The following ADGRV1 variants were observed in gnomAD, a reference collection of about 807,000 sequenced individuals.
The protein encoded by ADGRV1 is G-protein coupled receptor 98.
ADGRV1 carries 359 observed loss-of-function variants against 596.2 expected under a neutral mutation model. The ratio of observed to expected loss-of-function variants is 0.60; its 90% CI spans 0.55 to 0.66. ADGRV1 has a LOEUF of 0.66. Among genes scored for constraint, ADGRV1 ranks in the 30% least tolerant of loss-of-function variants. The pLI, the probability that ADGRV1 is intolerant of heterozygous loss-of-function variation, is 0.00. For synonymous variants in ADGRV1, 2,681 were observed against 2,679.2 expected, an observed-to-expected ratio of 1.00 and a Z score of -0.02; for missense variants, 7,274 against 7,575.6, an observed-to-expected ratio of 0.96 and a Z score of 1.48.
intron 28 of ADGRV1, among the ~76,000 whole-genome samples, chr5:90,684,465 C>T (rs765320565): frequency 6.6e-5 from 10 of 152,042 alleles, no homozygotes; most frequent in Non-Finnish European, 1.3e-4. Flanking sequence ...AGTCTTGAGG[C>T]TGCCTCTGAT....
At chr5:90,692,511 T>G in intron 31 of ADGRV1, 94 bp from the exon 32 acceptor site, 2 of 900,124 alleles carry the variant, frequency 2.2e-6, no homozygotes, top group South Asian at 1.9e-5. Flanking sequence ...GTTCTTGTAC[T>G]TGTATGTATA....
intron 83 of ADGRV1, among the ~76,000 whole-genome samples, chr5:90,935,148 A>G (rs1775569787): frequency 1.3e-5 from 2 of 152,308 alleles, no homozygotes; most frequent in South Asian, 2.1e-4. Flanking sequence ...GAGAACAGTA[A>G]ATGCTTAATC....
At chr5:90,598,863 C>G (rs936629468) in intron 1 of ADGRV1, among the ~76,000 whole-genome samples, 1 of 152,072 alleles carries the variant, frequency 6.6e-6, no homozygotes, top group Admixed American at 6.5e-5. Context: ...CTAGGGATAC[C>G]AAGGAATTAA....
intron 89 of ADGRV1, among the ~76,000 whole-genome samples, chr5:91,153,947 A>G (rs373802843): frequency 1.3e-5 from 2 of 152,260 alleles, no homozygotes; most frequent in South Asian, 4.1e-4. Flanking sequence ...TCATCAGCAT[A>G]TGATACTAGA....
rs540983704 is a variant in ADGRV1, at chr5:91,124,460, A to T, written c.18432+22120A>T. On this transcript the variant is annotated intron_variant, in intron 87 of 89. Transcript: ENST00000405460. ...TAAATTGTGGCCATCTGATATTGCT[A>T]CATCAAAAGGAAGTTAAAATTTGCT... 1.8e-4 allele frequency among the ~76,000 whole-genome samples: 27 copies of T among 152,338 alleles called. No homozygotes were observed. The East Asian group carries it at 5.2e-3, about 29-fold the overall frequency.
intron 37 of ADGRV1, among the ~76,000 whole-genome samples, chr5:90,705,806 A>G (rs573045057): frequency 5.9e-5 from 9 of 152,354 alleles, no homozygotes; most frequent in African/African-American, 2.2e-4. Flanking sequence ...AGCAGCATAC[A>G]GTAATTTAGG....
intron 75 of ADGRV1, among the ~76,000 whole-genome samples, chr5:90,822,379 C>T (rs1411751054): frequency 3.3e-5 from 5 of 152,162 alleles, no homozygotes; most frequent in African/African-American, 4.8e-5. Flanking sequence ...CCGTCTTCTG[C>T]GTTGCTCACG....
Position 91,089,488 on chromosome 5 carries a change from C to G in ADGRV1, c.18311-12731C>G, listed in dbSNP as rs536034046. Reference sequence around the variant, plus strand: ...AGTTTTGTGTGTGATGGTTAGAGAACCAAATTAAAGAAACAAAGGCAGCTT... The same window carrying G: ...AGTTTTGTGTGTGATGGTTAGAGAAGCAAATTAAAGAAACAAAGGCAGCTT... On this transcript the variant is annotated intron_variant, in intron 86 of 89. Coordinates refer to ENST00000405460, the MANE Select transcript of ADGRV1 (RefSeq NM_032119.4). 9.1e-4 allele frequency among the ~76,000 whole-genome samples: 138 copies of G among 151,990 alleles called. 1 individual carries two copies. The highest frequency in any genetic ancestry group is 3.2e-3 in the African/African-American group (133 of 41,498).
At chr5:91,107,773 C>T (rs1423883786) in intron 87 of ADGRV1, among the ~76,000 whole-genome samples, 1 of 152,076 alleles carries the variant, frequency 6.6e-6, no homozygotes, top group African/African-American at 2.4e-5. Context: ...AGCCAGTCAG[C>T]AGTAATTAAA....
intron 89 of ADGRV1, among the ~76,000 whole-genome samples, chr5:91,155,675 G>A (rs1796421446): frequency 6.6e-6 from 1 of 152,152 alleles, no homozygotes; most frequent in Admixed American, 6.6e-5. Flanking sequence ...CATTGTGGGG[G>A]AGCAGAACAC....
In ADGRV1 at chr5:90,629,447, C is replaced by T; in HGVS notation, c.1747C>T (p.Leu583Phe). Residue 583 changes from leucine to phenylalanine, a missense_variant, in exon 9 of 90, where the codon CTC becomes TTC. Leu to Phe is a conservative substitution (Grantham distance 22). This residue lies in a region of ADGRV1 where 1,715 missense variants were observed against 1,708.8 expected (regional missense o/e 1.00). Coordinates refer to ENST00000405460, the MANE Select transcript of ADGRV1 (RefSeq NM_032119.4). The part of the protein sequence containing the change: ...GILNISRRND[L>F]IFPEQKTQVT... ...CTTAAATATATCAAGGAGAAATGAC[C>T]TCATTTTTCCAGAGCAAAAAACTCA... 1.2e-6 allele frequency: 2 copies of T among 1,613,392 alleles called. No homozygotes were observed. Among genetic ancestry groups the T allele is most frequent in the Non-Finnish European group, 1.7e-6 (2 of 1,179,588 alleles).
At chr5:90,697,303 ATGAACTGTT>A (rs1241304684) in intron 34 of ADGRV1, among the ~76,000 whole-genome samples, 157 bp downstream of exon 34, 2 of 152,114 alleles carry the variant, frequency 1.3e-5, no homozygotes, top group African/African-American at 2.4e-5. Context: ...AGGCTTTATA[ATGAACTGTT>A]TAGCCAGATT....
At chr5:91,014,135 G>GA (rs1562090738) in intron 85 of ADGRV1, among the ~76,000 whole-genome samples, 2,153 of 23,574 alleles carry the variant, frequency 0.091, 71 homozygotes, top group African/African-American at 0.3. Flanking sequence ...ATTCACAATT[G>GA]CCACACACAC....
chr5:90,828,507 T>G (rs1451580882), intron 76 of ADGRV1, among the ~76,000 whole-genome samples: 1 of 152,170 alleles, frequency 6.6e-6, no homozygotes, highest in Non-Finnish European at 1.5e-5. Context: ...TAGTTTTAAC[T>G]TTACTTTTAT....
chr5:90,727,517 T>A (rs1472893723), intron 48 of ADGRV1, among the ~76,000 whole-genome samples: 3 of 152,252 alleles, frequency 2.0e-5, no homozygotes, highest in Admixed American at 6.5e-5. Flanking sequence ...GGAGGCATTT[T>A]TTAAAAATAT....
chr5:90,630,460 G>A (rs1013493613), intron 9 of ADGRV1: 9 of 151,828 alleles, frequency 5.9e-5, no homozygotes, highest in Non-Finnish European at 4.4e-5. Flanking sequence ...TATTTTTATG[G>A]CCAAAGTATA....
At chr5:90,826,570 C>T (rs1240818885) in intron 76 of ADGRV1, among the ~76,000 whole-genome samples, 2 of 152,026 alleles carry the variant, frequency 1.3e-5, no homozygotes, top group Non-Finnish European at 2.9e-5. Context: ...ATGAGAAGTT[C>T]TTAGCACAGC....
chr5:90,592,887 A>T (rs1283011346), intron 1 of ADGRV1, among the ~76,000 whole-genome samples: 1 of 152,346 alleles, frequency 6.6e-6, no homozygotes, highest in South Asian at 2.1e-4. Flanking sequence ...GCAAATCAAA[A>T]CCAGAATGAG....
chr5:90,951,836 C>T (rs1777084241), intron 83 of ADGRV1, among the ~76,000 whole-genome samples: 2 of 152,094 alleles, frequency 1.3e-5, no homozygotes, highest in Non-Finnish European at 2.9e-5. Context: ...AAAATCTGAA[C>T]TTTGATTCAT....
Sources: allele counts gnomAD v4.1 joint callset (sites outside exome capture counted in the v4.1 genomes callset), GRCh38; gene constraint gnomAD v4.1.1; regional missense constraint gnomAD v4.1.1; transcripts MANE v1.5; gene names NCBI Gene and HGNC (gene_info 2026-07-23, HGNC 2026-07-21).